The following NAV2 variants were observed in gnomAD, a reference collection of about 807,000 sequenced individuals.
NAV2 encodes the protein helicase, APC down-regulated 1.
Under a neutral mutation model 223.2 loss-of-function variants are expected in NAV2, and 54 were observed. The ratio of observed to expected loss-of-function variants is 0.24; its 90% CI spans 0.19 to 0.30. The LOEUF (loss-of-function observed/expected upper bound fraction) is 0.30. NAV2 is among the 10% of genes least tolerant of loss of function. The pLI is 1.00. For missense variants in NAV2, 2,806 were observed against 3,147.5 expected (o/e 0.89, Z 2.60); for synonymous variants, 1,279 against 1,239.3 (o/e 1.03, Z -0.67).
chr11:19,423,833 G>A (rs1392248190), intron 1 of NAV2, among the ~76,000 whole-genome samples: 4 of 152,230 alleles, frequency 2.6e-5, no homozygotes, highest in Non-Finnish European at 5.9e-5. Context: ...ACTTCTGACA[G>A]GTTTAGCCTT....
chr11:19,689,000 A>C (rs1182239460), intron 1 of NAV2, among the ~76,000 whole-genome samples: 1 of 152,220 alleles, frequency 6.6e-6, no homozygotes, highest in Non-Finnish European at 1.5e-5. Context: ...GGCTGTAAGC[A>C]CATTCCCTGG....
At chr11:19,730,838 C>T (rs1486910601) in intron 1 of NAV2, among the ~76,000 whole-genome samples, 1 of 152,162 alleles carries the variant, frequency 6.6e-6, no homozygotes, top group Non-Finnish European at 1.5e-5. Flanking sequence ...ACCCCTTCCC[C>T]AATAGTCTAG....
chr11:19,755,841 G>A (rs1375609716), intron 1 of NAV2, among the ~76,000 whole-genome samples: 2 of 152,226 alleles, frequency 1.3e-5, no homozygotes, highest in East Asian at 1.9e-4. Flanking sequence ...ATACGATATG[G>A]AGTTTTATTA....
chr11:20,069,360 G>T (rs1197493554), intron 22 of NAV2, among the ~76,000 whole-genome samples: 5 of 152,136 alleles, frequency 3.3e-5, no homozygotes, highest in African/African-American at 1.2e-4. Flanking sequence ...GAGGAAGAAG[G>T]CAGCGAAGAA....
intron 1 of NAV2, among the ~76,000 whole-genome samples, chr11:19,594,148 C>T (rs1590633228): frequency 1.3e-5 from 2 of 152,050 alleles, no homozygotes; most frequent in East Asian, 1.9e-4. Context: ...TACAGTAGCT[C>T]TAGGTACCTT....
chr11:20,043,955 C>A, intron 12 of NAV2, 26 bp from the exon 13 acceptor site: 1 of 1,601,282 alleles, frequency 6.2e-7, no homozygotes, highest in South Asian at 1.1e-5. Flanking sequence ...TGGGGAAGGA[C>A]TAATTCAGAG....
chr11:19,597,772 A>C (rs533730718), intron 1 of NAV2, among the ~76,000 whole-genome samples: 47 of 152,302 alleles, frequency 3.1e-4, no homozygotes, highest in Non-Finnish European at 6.3e-4. Context: ...TAGCTGAAGG[A>C]GGTGGGGAGG....
chr11:19,420,938 C>T (rs943727678), intron 1 of NAV2, among the ~76,000 whole-genome samples: 1 of 152,306 alleles, frequency 6.6e-6, no homozygotes. Flanking sequence ...TCAAGGGTGA[C>T]CTCCACGGTG....
chr11:19,431,316 C>T (rs760252582), intron 1 of NAV2, among the ~76,000 whole-genome samples: 6 of 152,144 alleles, frequency 3.9e-5, no homozygotes, highest in South Asian at 2.1e-4. Context: ...CTGCGTTTAA[C>T]GACTGCTGAA....
chr11:20,006,214 G>A (rs924487780), intron 11 of NAV2, among the ~76,000 whole-genome samples: 3 of 152,120 alleles, frequency 2.0e-5, no homozygotes, highest in Non-Finnish European at 4.4e-5. Flanking sequence ...TTCCCATAGG[G>A]ATCATTAGGG....
intron 7 of NAV2, among the ~76,000 whole-genome samples, chr11:19,934,758 C>A (rs1404634215): frequency 1.3e-5 from 2 of 152,154 alleles, no homozygotes; most frequent in African/African-American, 2.4e-5. Flanking sequence ...CTCACAGTCC[C>A]TGCTGAGTGC....
intron 1 of NAV2, among the ~76,000 whole-genome samples, chr11:19,831,122 C>A (rs1479678388): frequency 1.3e-5 from 2 of 150,664 alleles, no homozygotes; most frequent in African/African-American, 2.4e-5. Context: ...GGTATGAGGC[C>A]CTCATGGTCC....
intron 1 of NAV2, among the ~76,000 whole-genome samples, chr11:19,740,472 C>T (rs994199790): frequency 5.3e-5 from 8 of 152,130 alleles, no homozygotes; most frequent in Non-Finnish European, 7.4e-5. Context: ...CCTTTGTTCA[C>T]GTGTTTATCT....
chr11:19,478,503 C>T (rs977960414), intron 1 of NAV2, among the ~76,000 whole-genome samples: 4 of 152,148 alleles, frequency 2.6e-5, no homozygotes, highest in Admixed American at 6.5e-5. Flanking sequence ...GAAGGAAAAA[C>T]AAGAAATGGG....
At chr11:20,038,750 G>A (rs571163112) in intron 12 of NAV2, among the ~76,000 whole-genome samples, 31 of 152,218 alleles carry the variant, frequency 2.0e-4, no homozygotes, top group Non-Finnish European at 4.3e-4. Context: ...GGGAGGCAGG[G>A]AGAAGTGGCT....
chr11:19,698,516 G>A (rs2049414278), intron 1 of NAV2, among the ~76,000 whole-genome samples: 1 of 152,206 alleles, frequency 6.6e-6, no homozygotes, highest in Admixed American at 6.5e-5. Flanking sequence ...AGCACAACCA[G>A]GAGCAGGAGC....
At chr11:19,715,081 A>G (rs2050191345) in intron 1 of NAV2, among the ~76,000 whole-genome samples, 1 of 152,128 alleles carries the variant, frequency 6.6e-6, no homozygotes, top group South Asian at 2.1e-4. Flanking sequence ...GCTTTCTCTG[A>G]TCAGAGGCTA....
intron 14 of NAV2, 87 bp from the exon 15 acceptor site, chr11:20,048,641 C>T (rs2057695751): frequency 8.0e-6 from 9 of 1,127,242 alleles, no homozygotes; most frequent in Non-Finnish European, 1.2e-5. Flanking sequence ...GGAATTCTCA[C>T]CAACTCCTCT....
chr11:19,602,562 C>G (rs117315130), intron 1 of NAV2, among the ~76,000 whole-genome samples: 3,298 of 152,268 alleles, frequency 0.022, 49 homozygotes, highest in Non-Finnish European at 0.037. Flanking sequence ...CTTAAGACAA[C>G]AGAAATTTAT....
Sources: gnomAD v4.1 joint callset for allele counts (sites outside exome capture counted in the v4.1 genomes callset) on GRCh38, gnomAD v4.1.1 for gene constraint, MANE v1.5 for transcripts, NCBI Gene and HGNC (gene_info 2026-07-23, HGNC 2026-07-21) for gene names.